PDIA3: variants seen among roughly 807,000 people sequenced by gnomAD.
The protein encoded by PDIA3 is protein disulfide isomerase family A member 3.
PDIA3 carries 16 observed loss-of-function variants against 56.9 expected under a neutral mutation model. The observed-to-expected ratio is 0.28, with a 90% CI of 0.19 to 0.43. The LOEUF (loss-of-function observed/expected upper bound fraction) is 0.43. PDIA3 is among the 20% of genes least tolerant of loss of function. The probability of loss-of-function intolerance (pLI) is 1.00; values close to 1 mark genes in which losing one functional copy is unlikely to be tolerated. For missense variants in PDIA3, 485 were observed against 621.3 expected (o/e 0.78, Z 2.33); for synonymous variants, 192 against 216.5 (o/e 0.89, Z 0.99).
chr15:43,767,882 A>AGATCAC (rs2086858196), intron 8 of PDIA3, among the ~76,000 whole-genome samples: 1 of 151,958 alleles, frequency 6.6e-6, no homozygotes, highest in African/African-American at 2.4e-5. Context: ...TGAGGCAGGA[A>AGATCAC]GATCACTTGA....
At position 43,772,915 on chromosome 15, in the gene PDIA3, A is replaced by G; in HGVS notation, c.*1697A>G. Reference sequence around the variant, plus strand: ...TTTTCCTAGACTCCTAGGCACAGCTATGGAGTCTTTGCACAGTGCCCATAC... The same window carrying G: ...TTTTCCTAGACTCCTAGGCACAGCTGTGGAGTCTTTGCACAGTGCCCATAC... On this transcript the variant is annotated 3_prime_UTR_variant, in exon 13 of 13. Coordinates refer to ENST00000300289, the MANE Select transcript of PDIA3 (RefSeq NM_005313.5). 4 of 472,942 alleles carry G rather than the reference A, an allele frequency of 8.5e-6. No homozygotes were observed. Among genetic ancestry groups the G allele is most frequent in the African/African-American group, 2.0e-5 (1 of 50,150 alleles). 29.3% of individuals were successfully genotyped at this position (472,942 alleles called of 1,614,324 possible).
intron 2 of PDIA3, among the ~76,000 whole-genome samples, chr15:43,755,723 G>T (rs2141647672): frequency 6.6e-6 from 1 of 152,200 alleles, no homozygotes; most frequent in South Asian, 2.1e-4. Context: ...AGACCAGCCT[G>T]GCCAACATGG....
In PDIA3 at chr15:43,773,164, G is replaced by T; in HGVS notation, c.*1946G>T. On this transcript the variant is annotated 3_prime_UTR_variant, in exon 13 of 13. Coordinates refer to ENST00000300289, the MANE Select transcript of PDIA3 (RefSeq NM_005313.5). ...CAAACTCCAGGATGAGACCTTTAAT[G>T]TGGGACAATTTCTGGTGAAGGTACT... 6.2e-7 allele frequency: 1 copy of T among 1,613,852 alleles called. No homozygotes were observed. The highest frequency in any genetic ancestry group is 1.1e-5 in the South Asian group (1 of 91,032).
chr15:43,766,022 A>G lies in PDIA3; in HGVS notation c.845+10A>G, dbSNP rs1209107120. 4 of 1,612,374 alleles carry G rather than the reference A, an allele frequency of 2.5e-6. No homozygotes were observed. Among genetic ancestry groups the G allele is most frequent in the South Asian group, 1.1e-5 (1 of 90,786 alleles). ...ACTACTGGAGAAACAGGTAATAAGA[A>G]TTATGTTTTTCCCTCATGAACAAGT... On this transcript the variant is annotated intron_variant, in intron 7 of 12. Coordinates refer to ENST00000300289, the MANE Select transcript of PDIA3 (RefSeq NM_005313.5).
At chr15:43,756,249 C>T (rs1255699254) in intron 2 of PDIA3, among the ~76,000 whole-genome samples, 1 of 152,108 alleles carries the variant, frequency 6.6e-6, no homozygotes, top group East Asian at 1.9e-4. Context: ...TACATTACAC[C>T]TAAAGGATAT....
chr15:43,771,351 C>T lies in PDIA3; in HGVS notation c.*133C>T. 1 of 551,532 alleles carries T rather than the reference C, an allele frequency of 1.8e-6. No homozygotes were observed. The highest frequency in any genetic ancestry group is 2.9e-5 in the South Asian group (1 of 34,224). 34.2% of individuals were successfully genotyped at this position (551,532 alleles called of 1,614,324 possible). On this transcript the variant is annotated 3_prime_UTR_variant, in exon 13 of 13. Transcript: ENST00000300289. ...GGACAGAATGGATATAATCTGAATC[C>T]TGTTAAATTTTCTCTAAACTGTTTC...
At chr15:43,747,676 A>G (rs1596016494) in intron 1 of PDIA3, among the ~76,000 whole-genome samples, 1 of 152,204 alleles carries the variant, frequency 6.6e-6, no homozygotes, top group East Asian at 1.9e-4. Context: ...ATATATAATT[A>G]CAGTACTTAA....
intron 1 of PDIA3, among the ~76,000 whole-genome samples, chr15:43,748,095 T>C (rs1019524387): frequency 6.6e-6 from 1 of 152,190 alleles, no homozygotes; most frequent in Non-Finnish European, 1.5e-5. Context: ...TTGTCAGATC[T>C]GAGTGATGCT....
At chr15:43,770,197 C>A (rs1164753802) in intron 10 of PDIA3, 53 bp from the exon 11 acceptor site, 2 of 1,352,000 alleles carry the variant, frequency 1.5e-6, no homozygotes, top group Non-Finnish European at 2.1e-6. Flanking sequence ...GACTAAGTGT[C>A]CCTCTGTCAC....
chr15:43,763,622 G>A (rs2086831035), intron 5 of PDIA3, among the ~76,000 whole-genome samples: 1 of 152,028 alleles, frequency 6.6e-6, no homozygotes, highest in African/African-American at 2.4e-5. Flanking sequence ...TATGCTACAT[G>A]CCCAGAAACT....
At position 43,746,634 on chromosome 15, in the gene PDIA3, A is replaced by G; in HGVS notation, c.95A>G (p.Asp32Gly). Residue 32 changes from aspartate (D) to glycine (G), a missense_variant, in exon 1 of 13, where the codon GAC (aspartate) becomes GGC (glycine). Physicochemically the swap from Asp to Gly is moderately conservative, Grantham distance 94 (BLOSUM62 -1). Coordinates refer to ENST00000300289, the MANE Select transcript of PDIA3 (RefSeq NM_005313.5). ...GCCTCCGACGTGCTAGAACTCACGG[A>G]CGACAACTTCGAGAGTCGCATCTCC... ...AAASDVLELT[D>G]DNFESRISDT... The G allele has an allele frequency of 6.2e-7, 1 of 1,612,888 alleles. No homozygotes were observed. The highest frequency in any genetic ancestry group is 8.5e-7 in the Non-Finnish European group (1 of 1,179,892).
chr15:43,762,975 A>T, intron 4 of PDIA3, 102 bp from the exon 5 acceptor site: 1 of 1,183,896 alleles, frequency 8.4e-7, no homozygotes, highest in Non-Finnish European at 1.2e-6. Context: ...TCCTCAAAAT[A>T]GAATGAAATG....
At chr15:43,770,189 C>CT (rs1293660561) in intron 10 of PDIA3, 61 bp from the exon 11 acceptor site, 32 of 1,301,122 alleles carry the variant, frequency 2.5e-5, no homozygotes, top group Non-Finnish European at 4.5e-6. Flanking sequence ...CTTCAATTGA[C>CT]TAAGTGTCCC....
At chr15:43,751,132 G>GAA (rs59162344) in intron 1 of PDIA3, among the ~76,000 whole-genome samples, 61 of 55,780 alleles carry the variant, frequency 1.1e-3, no homozygotes, top group African/African-American at 2.2e-3. Flanking sequence ...ACTCCGTCTC[G>GAA]AAAAAAAAAA....
At chr15:43,770,653 A>T in intron 12 of PDIA3, 73 bp downstream of exon 12, 1 of 995,254 alleles carries the variant, frequency 1.0e-6, no homozygotes, top group Non-Finnish European at 1.6e-6. Flanking sequence ...ATAGTTCTTT[A>T]ATTGGGTTTA....
Position 43,769,549 on chromosome 15 carries a change from T to C in PDIA3, c.1169T>C (p.Val390Ala). The C allele has an allele frequency of 1.2e-6, 2 of 1,612,970 alleles. No homozygotes were observed. The highest frequency in any genetic ancestry group is 1.7e-6 in the Non-Finnish European group (2 of 1,178,946). ...VVVAENFDEI[V>A]NNENKDVLIE... ...GTAGCAGAGAATTTTGATGAAATAG[T>C]GAATAATGAAAATAAAGATGTGCTG... Residue 390 changes from valine to alanine, a missense_variant, in exon 10 of 13, where the codon GTG becomes GCG. Physicochemically the swap from Val to Ala is moderately conservative, Grantham distance 64 (BLOSUM62 0). Coordinates refer to ENST00000300289, the MANE Select transcript of PDIA3 (RefSeq NM_005313.5).
chr15:43,746,868 G>C (rs1340451509), intron 1 of PDIA3, 162 bp downstream of exon 1: 3 of 760,730 alleles, frequency 3.9e-6, no homozygotes, highest in Non-Finnish European at 6.4e-6. Context: ...GCGCCTCGCC[G>C]AGAGCGGGGG....
intron 1 of PDIA3, chr15:43,751,848 C>A: frequency 1.2e-6 from 1 of 860,286 alleles, no homozygotes; most frequent in Non-Finnish European, 1.6e-6. Flanking sequence ...GACCTAGTAA[C>A]TATTGTATGT....
chr15:43,767,128 T>A lies in PDIA3; in HGVS notation c.1028+218T>A, dbSNP rs2086852313. ...ACTTTGGGAGGCCAAGGCAGGTGGA[T>A]CGCCTAAGGTCGGGAGTTCGAGACC... On this transcript the variant is annotated intron_variant, in intron 8 of 12. Coordinates refer to ENST00000300289, the MANE Select transcript of PDIA3 (RefSeq NM_005313.5). Among the ~76,000 whole-genome samples the A allele has an allele frequency of 2.6e-5, 4 of 152,010 alleles. No homozygotes were observed. The South Asian group carries it at 8.3e-4, about 32-fold the overall frequency.
Sources: gnomAD v4.1 joint callset for allele counts (sites outside exome capture counted in the v4.1 genomes callset) on GRCh38, gnomAD v4.1.1 for gene constraint, MANE v1.5 for transcripts, NCBI Gene and HGNC (gene_info 2026-07-23, HGNC 2026-07-21) for gene names.